Variants in PTPRN2 observed in about 807,000 individuals in gnomAD.
The protein encoded by PTPRN2 is protein tyrosine phosphatase receptor type N2.
PTPRN2 carries 74 observed loss-of-function variants against 118.8 expected under a neutral mutation model. That is an observed-to-expected ratio of 0.62 (90% CI 0.52 to 0.76). PTPRN2 has a LOEUF of 0.76. Ranked by LOEUF, PTPRN2 falls within the 30% of genes least tolerant of loss-of-function variation. The probability of loss-of-function intolerance (pLI) is 0.00; values close to 1 mark genes in which losing one functional copy is unlikely to be tolerated. For synonymous variants in PTPRN2, 641 were observed against 608.0 expected, an observed-to-expected ratio of 1.05 and a Z score of -0.80; for missense variants, 1,481 against 1,394.4, an observed-to-expected ratio of 1.06 and a Z score of -0.99.
Position 158,521,789 on chromosome 7 carries a change from G to C in PTPRN2, c.113-32004C>G, listed in dbSNP as rs374873165. On this transcript the variant is annotated intron_variant, in intron 1 of 22. Transcript: ENST00000389418. ...GAGGGAGGTCCACGTCACAATGGTG[G>C]ACTGTCCAGGTGCTGGCTCGGGAGG... Among the ~76,000 whole-genome samples the C allele has an allele frequency of 2.0e-3, 136 of 69,714 alleles. 1 individual carries two copies. Among genetic ancestry groups the C allele is most frequent in the Non-Finnish European group, 3.4e-3 (112 of 32,952 alleles). 45.7% of individuals were successfully genotyped at this position (69,714 alleles called of 152,430 possible). A position where few individuals can be genotyped will look rare whatever the true frequency, so the allele number is the denominator to read the frequency against.
At chr7:157,625,730 A>T (rs1163273803) in intron 14 of PTPRN2, among the ~76,000 whole-genome samples, 1 of 152,236 alleles carries the variant, frequency 6.6e-6, no homozygotes, top group African/African-American at 2.4e-5. Flanking sequence ...ATGGAAAAAA[A>T]TCATAAAAAA....
At chr7:158,439,052 G>A (rs1231357001) in intron 2 of PTPRN2, among the ~76,000 whole-genome samples, 2 of 152,172 alleles carry the variant, frequency 1.3e-5, no homozygotes, top group Non-Finnish European at 1.5e-5. Context: ...CTGGAAGGCT[G>A]GTCAAGGACT....
At position 157,545,335 on chromosome 7, in the gene PTPRN2, G is replaced by T. The variant is rs567232493; in HGVS notation, c.2976+3611C>A. ...ATGCGTGGGTGTGTAGGTGTGTGTG[G>T]GGGGTGTGCCTGGGTGTGTGCATGG... On this transcript the variant is annotated intron_variant, in intron 22 of 22. Transcript: ENST00000389418. Among the ~76,000 whole-genome samples, 1,474 of 150,588 alleles carry T rather than the reference G, an allele frequency of 9.8e-3. 17 individuals are homozygous for T. The highest frequency in any genetic ancestry group is 0.034 in the African/African-American group (1,406 of 40,898).
Position 157,845,256 on chromosome 7 carries a change from G to C in PTPRN2, c.1788+53417C>G, listed in dbSNP as rs1014099031. ...CCTTAGCCAGCTGTAGGAAAAAAAT[G>C]CATGGCAGATACTCGATGGCCTTTC... On this transcript the variant is annotated intron_variant, in intron 12 of 22. Transcript: ENST00000389418. This position sits in a 1 kb window ranked among gnomAD's most constrained non-coding sequence, Gnocchi z 4.5. Among the ~76,000 whole-genome samples, 1 of 152,176 alleles carries C rather than the reference G, an allele frequency of 6.6e-6. No individual in the cohort carries two copies. The highest frequency in any genetic ancestry group is 2.4e-5 in the African/African-American group (1 of 41,436).
intron 2 of PTPRN2, among the ~76,000 whole-genome samples, chr7:158,376,488 G>T (rs959988016): frequency 6.9e-6 from 1 of 145,128 alleles, no homozygotes; most frequent in African/African-American, 2.6e-5. Flanking sequence ...AGGGGGGTCA[G>T]TGGACTCCCC....
At chr7:157,908,874 T>C (rs1444831596) in intron 11 of PTPRN2, among the ~76,000 whole-genome samples, 1 of 152,206 alleles carries the variant, frequency 6.6e-6, no homozygotes, top group Non-Finnish European at 1.5e-5. Flanking sequence ...AGCATAGTTT[T>C]AGTTTACAAT....
intron 2 of PTPRN2, among the ~76,000 whole-genome samples, chr7:158,372,224 A>T (rs1810066092): frequency 6.7e-6 from 1 of 149,210 alleles, no homozygotes; most frequent in Non-Finnish European, 1.5e-5. Context: ...GGACACCCCC[A>T]GGCTGGACCC....
At chr7:158,174,680 C>T (rs892710861) in intron 5 of PTPRN2, among the ~76,000 whole-genome samples, 1 of 152,162 alleles carries the variant, frequency 6.6e-6, no homozygotes, top group Admixed American at 6.5e-5. Context: ...GGAGTTGAGT[C>T]ATAGACATTA....
At chr7:158,064,213 C>T (rs78285632) in intron 11 of PTPRN2, among the ~76,000 whole-genome samples, 5 of 152,176 alleles carry the variant, frequency 3.3e-5, no homozygotes, top group Admixed American at 6.5e-5. Flanking sequence ...ACAGGCATCC[C>T]GAGCAAGTTG....
At chr7:158,169,164 T>C (rs1395036431) in intron 5 of PTPRN2, among the ~76,000 whole-genome samples, 2 of 152,210 alleles carry the variant, frequency 1.3e-5, no homozygotes, top group East Asian at 1.9e-4. Context: ...CGAAAATATT[T>C]GGGTTCATCC....
At chr7:157,972,178 G>A (rs4716854) in intron 11 of PTPRN2, among the ~76,000 whole-genome samples, 68,950 of 152,042 alleles carry the variant, frequency 0.45, 15,811 homozygotes, top group East Asian at 0.54. Flanking sequence ...TGTAAAAGGC[G>A]TTCACTAGAA....
chr7:158,021,246 G>C (rs941916954), intron 11 of PTPRN2, among the ~76,000 whole-genome samples: 1 of 152,140 alleles, frequency 6.6e-6, no homozygotes, highest in Admixed American at 6.5e-5. Context: ...GAACACAGCA[G>C]GTATTAGGAA....
chr7:158,397,209 G>C (rs554674684), intron 2 of PTPRN2, among the ~76,000 whole-genome samples: 49 of 152,318 alleles, frequency 3.2e-4, no homozygotes, highest in African/African-American at 1.1e-3. Context: ...ATTCAGAGAG[G>C]CTCACTTCCT....
At chr7:157,928,823 C>T (rs1488562712) in intron 11 of PTPRN2, among the ~76,000 whole-genome samples, 2 of 119,924 alleles carry the variant, frequency 1.7e-5, no homozygotes, top group Admixed American at 2.1e-4. Context: ...AAGGGCAGGG[C>T]AGAGGGTGGG....
At chr7:157,581,631 AC>A in intron 17 of PTPRN2, among the ~76,000 whole-genome samples, 1 of 152,336 alleles carries the variant, frequency 6.6e-6, no homozygotes, top group Non-Finnish European at 1.5e-5. Context: ...GACCCAAGGA[AC>A]AAGAAGTGCA....
chr7:157,684,340 CGGAGAGGGAGGGAGGCTTT>C (rs1380075039), intron 12 of PTPRN2, among the ~76,000 whole-genome samples: 1 of 135,330 alleles, frequency 7.4e-6, no homozygotes, highest in Non-Finnish European at 1.6e-5. Context: ...GGAGCCGCCG[CGGAGAGGGAGGGAGGCTTT>C]GGAGAGGGAG....
chr7:157,931,932 C>A (rs73517093), intron 11 of PTPRN2, among the ~76,000 whole-genome samples: 3,980 of 152,160 alleles, frequency 0.026, 148 homozygotes, highest in African/African-American at 0.083. Flanking sequence ...CTTCCCCTCC[C>A]CCCTTTAAAA....
intron 13 of PTPRN2, among the ~76,000 whole-genome samples, chr7:157,670,911 G>A: frequency 6.6e-6 from 1 of 152,018 alleles, no homozygotes; most frequent in East Asian, 1.9e-4. Flanking sequence ...ACGGGCAGCT[G>A]TTTTTTTTAC....
intron 12 of PTPRN2, among the ~76,000 whole-genome samples, chr7:157,860,945 G>C (rs1027351490): frequency 1.3e-5 from 2 of 152,236 alleles, no homozygotes; most frequent in African/African-American, 4.8e-5. Context: ...GTCCAGAACA[G>C]GCACAGATGG....
Sources: allele counts gnomAD v4.1 joint callset (sites outside exome capture counted in the v4.1 genomes callset), GRCh38; gene constraint gnomAD v4.1.1; non-coding constraint Gnocchi (gnomAD v3.1); transcripts MANE v1.5; gene names NCBI Gene and HGNC (gene_info 2026-07-23, HGNC 2026-07-21).